Variants in SVEP1 observed in about 807,000 individuals in gnomAD.
SVEP1 encodes sushi, von Willebrand factor type A, EGF and pentraxin domain containing 1.
A neutral mutation model predicts 367.3 loss-of-function variants in SVEP1; 164 were observed. The ratio of observed to expected loss-of-function variants is 0.45; its 90% CI spans 0.39 to 0.51. SVEP1 has a LOEUF of 0.51. Among genes scored for constraint, SVEP1 ranks in the 20% least tolerant of loss-of-function variants. SVEP1 has a pLI of 0.00. For missense variants in SVEP1, 4,117 were observed against 4,425.3 expected (o/e 0.93, Z 1.98); for synonymous variants, 1,666 against 1,611.6 (o/e 1.03, Z -0.81).
At chr9:110,438,298 C>A (rs1438127914) in intron 27 of SVEP1, among the ~76,000 whole-genome samples, 1 of 150,362 alleles carries the variant, frequency 6.7e-6, no homozygotes, top group African/African-American at 2.5e-5. Flanking sequence ...GTGATTCTCA[C>A]GCCTCAGCCT....
intron 34 of SVEP1, among the ~76,000 whole-genome samples, chr9:110,429,600 G>C (rs1828319092): frequency 6.6e-6 from 1 of 151,972 alleles, no homozygotes; most frequent in Admixed American, 6.6e-5. Flanking sequence ...GGGAATCCTT[G>C]GCTTGAGAGT....
At chr9:110,375,050 A>G (rs1827328695) in intron 46 of SVEP1, among the ~76,000 whole-genome samples, 1 of 151,920 alleles carries the variant, frequency 6.6e-6, no homozygotes, top group African/African-American at 2.4e-5. Flanking sequence ...AGCTTCTTAG[A>G]GATTAAAATA....
chr9:110,388,399 G>T (rs1809497884), intron 41 of SVEP1, among the ~76,000 whole-genome samples: 1 of 152,256 alleles, frequency 6.6e-6, no homozygotes, highest in African/African-American at 2.4e-5. Flanking sequence ...AGGCAGAGAA[G>T]GTGGTTCTAG....
Position 110,579,001 on chromosome 9 carries a change from C to T in SVEP1, c.531+12G>A, listed in dbSNP as rs1056572724. ...GGACTAGGGCCCGGGTCGGGAGGGG[C>T]GGGCGCCTTACCGCGGCTTGCTGGA... On this transcript the variant is annotated intron_variant, in intron 1 of 47. Transcript: ENST00000374469. The surrounding 1 kb of genome is among the most constrained non-coding windows in gnomAD (Gnocchi z 5.3). 17 of 1,536,710 alleles carry T rather than the reference C, an allele frequency of 1.1e-5. No homozygotes were observed. In the Middle Eastern group the frequency reaches 6.8e-4, roughly 61 times the overall value.
chr9:110,388,588 A>C (rs1024073586), intron 41 of SVEP1, among the ~76,000 whole-genome samples: 6 of 152,076 alleles, frequency 3.9e-5, no homozygotes, highest in Admixed American at 2.0e-4. Flanking sequence ...ATGCTAATGG[A>C]CTTCTTTCAG....
chr9:110,474,072 C>T (rs1829062155), intron 14 of SVEP1, among the ~76,000 whole-genome samples: 1 of 152,138 alleles, frequency 6.6e-6, no homozygotes, highest in Non-Finnish European at 1.5e-5. Flanking sequence ...ATGATCTCGG[C>T]CCACTGCCAC....
intron 9 of SVEP1, among the ~76,000 whole-genome samples, chr9:110,488,941 T>G (rs1488487656): frequency 2.6e-5 from 4 of 152,092 alleles, no homozygotes; most frequent in African/African-American, 9.7e-5. Context: ...CCAAAAAGTA[T>G]GCAGAGTAAC....
chr9:110,465,808 T>C, intron 18 of SVEP1, 57 bp downstream of exon 18: 1 of 1,557,532 alleles, frequency 6.4e-7, no homozygotes, highest in Non-Finnish European at 8.7e-7. Flanking sequence ...ATGCCACTCC[T>C]TCATGCATAG....
At chr9:110,405,017 CGTT>C (rs1347048605) in intron 38 of SVEP1, among the ~76,000 whole-genome samples, 2 of 152,066 alleles carry the variant, frequency 1.3e-5, no homozygotes, top group East Asian at 1.9e-4. Flanking sequence ...CAGAGCAAGA[CGTT>C]GTCTCAAAAA....
rs780468079 is a variant in SVEP1, at chr9:110,482,376, G to A, written c.2155C>T (p.His719Tyr). ...AAGACAATACCTTTTATGACAATAT[G>A]GATATCACATGTCCTGTTATTGCCT... ...PSGNNRTCDI[H>Y]IVIKGSPCEI... The change falls in exon 11 of 48, where the codon CAT becomes TAT. Residue 719 changes from histidine to tyrosine, a missense_variant. His to Tyr is a moderately conservative substitution (Grantham distance 83). Transcript: ENST00000374469. The A allele has an allele frequency of 6.2e-7, 1 of 1,612,314 alleles. No individual in the cohort carries two copies. Among genetic ancestry groups the A allele is most frequent in the South Asian group, 1.1e-5 (1 of 90,780 alleles).
chr9:110,537,090 C>T (rs1442695005), intron 3 of SVEP1, among the ~76,000 whole-genome samples: 6 of 151,886 alleles, frequency 4.0e-5, no homozygotes, highest in African/African-American at 1.4e-4. Flanking sequence ...GCTAATAACT[C>T]ATTTACGATA....
At position 110,471,347 on chromosome 9, in the gene SVEP1, A is replaced by T; in HGVS notation, c.2998+17T>A. 10 of 1,606,318 alleles carry T rather than the reference A, an allele frequency of 6.2e-6. No homozygotes were observed. Among genetic ancestry groups the T allele is most frequent in the Non-Finnish European group, 7.7e-6 (9 of 1,174,734 alleles). On this transcript the variant is annotated intron_variant, in intron 16 of 47. Coordinates refer to ENST00000374469, the MANE Select transcript of SVEP1 (RefSeq NM_153366.4). ...CAGTATGCACCAAATATTTTTGATC[A>T]CAGGGAACAGTCTTACCACACATAC...
chr9:110,520,397 T>C (rs1375277056), intron 3 of SVEP1, among the ~76,000 whole-genome samples: 5 of 152,192 alleles, frequency 3.3e-5, no homozygotes, highest in Admixed American at 6.5e-5. Flanking sequence ...ATATGCGATG[T>C]TTCCTTCCTG....
At position 110,387,455 on chromosome 9, in the gene SVEP1, G is replaced by A. The variant is rs1827543222; in HGVS notation, c.9890C>T (p.Thr3297Ile). The A allele has an allele frequency of 1.9e-6, 3 of 1,600,526 alleles. No individual in the cohort carries two copies. The highest frequency in any genetic ancestry group is 2.6e-6 in the Non-Finnish European group (3 of 1,176,262). Residue 3297 changes from threonine to isoleucine, a missense_variant, in exon 42 of 48, where the codon ACC (threonine) becomes ATC (isoleucine). By Grantham distance (89) the Thr-to-Ile change is moderately conservative (BLOSUM62 -1). Around this residue, in one of 4 missense-constraint regions of SVEP1, gnomAD observed 1,765 missense variants for 1,781.1 expected, o/e 0.99. Coordinates refer to ENST00000374469, the MANE Select transcript of SVEP1 (RefSeq NM_153366.4). ...WSGGVAICKE[T>I]RCETPLEFLN... ...AAATTCAAGTGGAGTTTCACACCTG[G>A]TCTCTAAAAACAAGAATAAAAGCCT...
At chr9:110,532,392 A>G (rs1830032077) in intron 3 of SVEP1, among the ~76,000 whole-genome samples, 1 of 152,132 alleles carries the variant, frequency 6.6e-6, no homozygotes, top group Admixed American at 6.6e-5. Flanking sequence ...CATAGAAGTT[A>G]GTTTGCTGTA....
intron 6 of SVEP1, among the ~76,000 whole-genome samples, chr9:110,500,675 T>G (rs1829517258): frequency 6.6e-6 from 1 of 152,200 alleles, no homozygotes. Context: ...GTTTTGTTTT[T>G]CACAAGGAGC....
chr9:110,564,722 T>C (rs1163318927), intron 1 of SVEP1, among the ~76,000 whole-genome samples: 1 of 152,012 alleles, frequency 6.6e-6, no homozygotes, highest in African/African-American at 2.4e-5. Flanking sequence ...GAGCAAAATA[T>C]TCTGTTTCTT....
chr9:110,366,440 G>T lies in SVEP1; in HGVS notation c.*99C>A. 7.9e-7 allele frequency: 1 copy of T among 1,258,050 alleles called. No homozygotes were observed. The highest frequency in any genetic ancestry group is 1.1e-6 in the Non-Finnish European group (1 of 942,730). The allele number at this position is 1,258,050 out of a possible 1,614,324, so 77.9% of individuals were successfully genotyped here. On this transcript the variant is annotated 3_prime_UTR_variant, in exon 48 of 48. Transcript: ENST00000374469. ...TAACAAGTTTACTAAACAAGACCCA[G>T]CACCATGTTGGACTTTCTTTGCATA...
chr9:110,432,181 A>T, intron 31 of SVEP1, 147 bp from the exon 32 acceptor site: 1 of 1,038,670 alleles, frequency 9.6e-7, no homozygotes, highest in Non-Finnish European at 1.3e-6. Context: ...AGTCATAATC[A>T]CATTGCAGAT....
Sources: gnomAD v4.1 joint callset for allele counts (sites outside exome capture counted in the v4.1 genomes callset) on GRCh38, gnomAD v4.1.1 for gene constraint, gnomAD v4.1.1 regional missense constraint, Gnocchi (gnomAD v3.1) non-coding constraint, MANE v1.5 for transcripts, NCBI Gene and HGNC (gene_info 2026-07-23, HGNC 2026-07-21) for gene names.